The following CNTN4 variants were observed in gnomAD, a reference collection of about 807,000 sequenced individuals.
CNTN4 encodes contactin 4.
In CNTN4, 77 loss-of-function variants were observed where a neutral mutation model predicts 122.5. The ratio of observed to expected loss-of-function variants is 0.63; its 90% CI spans 0.52 to 0.76. CNTN4 has a LOEUF of 0.76. Among genes scored for constraint, CNTN4 ranks in the 30% least tolerant of loss-of-function variants. The pLI is 0.00. For synonymous variants in CNTN4, 512 were observed against 447.0 expected (o/e 1.15, Z -1.83); for missense variants, 1,256 against 1,259.1 (o/e 1.00, Z 0.04).
chr3:2,178,469 C>T (rs2036853863), intron 2 of CNTN4, among the ~76,000 whole-genome samples: 1 of 151,896 alleles, frequency 6.6e-6, no homozygotes, highest in Admixed American at 6.6e-5. Context: ...AAAATTGTAA[C>T]ATCAAACCAA....
chr3:2,739,925 T>A (rs1048098492), intron 5 of CNTN4, among the ~76,000 whole-genome samples: 4 of 152,250 alleles, frequency 2.6e-5, no homozygotes, highest in Non-Finnish European at 5.9e-5. Flanking sequence ...GTTACTTTCC[T>A]TCTAATATAG....
intron 2 of CNTN4, among the ~76,000 whole-genome samples, chr3:2,256,551 T>C (rs1288703451): frequency 1.3e-5 from 2 of 152,178 alleles, no homozygotes; most frequent in South Asian, 2.1e-4. Context: ...AGTAAAATAC[T>C]GGCAAACCGA....
At chr3:2,545,613 A>G (rs971603279) in intron 3 of CNTN4, among the ~76,000 whole-genome samples, 2 of 147,846 alleles carry the variant, frequency 1.4e-5, no homozygotes, top group African/African-American at 2.5e-5. Context: ...CTGTTATGTA[A>G]TGCCTTTTTT....
chr3:2,576,577 TTG>T (rs1179874322), intron 4 of CNTN4, among the ~76,000 whole-genome samples: 2 of 151,188 alleles, frequency 1.3e-5, no homozygotes, highest in Non-Finnish European at 2.9e-5. Flanking sequence ...AGATGGAGTC[TTG>T]CTCTGTCTTC....
intron 13 of CNTN4, among the ~76,000 whole-genome samples, chr3:2,964,969 A>C (rs1692153724): frequency 6.6e-6 from 1 of 152,178 alleles, no homozygotes; most frequent in Non-Finnish European, 1.5e-5. Context: ...TTGAAGATAC[A>C]GCAGTGAATG....
chr3:2,779,570 T>G (rs1263135839), intron 6 of CNTN4, among the ~76,000 whole-genome samples: 2 of 152,218 alleles, frequency 1.3e-5, no homozygotes, highest in African/African-American at 4.8e-5. Context: ...GAGTAGAAAC[T>G]TTGGAGTGAG....
chr3:2,879,281 C>T (rs2093880491), intron 8 of CNTN4, among the ~76,000 whole-genome samples: 2 of 152,140 alleles, frequency 1.3e-5, no homozygotes, highest in African/African-American at 4.8e-5. Flanking sequence ...GGATTGACAG[C>T]TACCACCAGA....
chr3:2,162,504 A>G (rs1206276865), intron 2 of CNTN4, among the ~76,000 whole-genome samples: 1 of 152,168 alleles, frequency 6.6e-6, no homozygotes, highest in East Asian at 1.9e-4. Context: ...ACAACTGGAA[A>G]ACCCATAAGG....
At chr3:2,835,863 T>G (rs9310863) in intron 7 of CNTN4, among the ~76,000 whole-genome samples, 53,174 of 151,812 alleles carry the variant, frequency 0.35, 10,275 homozygotes, top group African/African-American at 0.51. Context: ...CAAAGGAACA[T>G]AGCACAAACC....
chr3:2,331,228 A>C (rs1194774978), intron 2 of CNTN4, among the ~76,000 whole-genome samples: 1 of 152,160 alleles, frequency 6.6e-6, no homozygotes, highest in East Asian at 1.9e-4. Context: ...TATGGGCTTC[A>C]ATTTTTTTTG....
chr3:2,286,894 C>G (rs1250929796), intron 2 of CNTN4, among the ~76,000 whole-genome samples: 5 of 152,184 alleles, frequency 3.3e-5, no homozygotes, highest in Non-Finnish European at 7.3e-5. Context: ...TCATTATATA[C>G]AAATGCTAGA....
rs528100760 is a variant in CNTN4 at position 2,104,851 on chromosome 3, G to A, written c.-145+4212G>A. ...ATTCTCTAGGTATGGGGAAAAGAGA[G>A]CATGGATTTTGGTTATTTGCCAAAT... On this transcript the variant is annotated intron_variant, in intron 2 of 24. Transcript: ENST00000418658. Among the ~76,000 whole-genome samples the A allele has an allele frequency of 1.5e-4, 23 of 152,320 alleles. No homozygotes were observed. In the South Asian group the frequency reaches 4.8e-3, roughly 32 times the overall value.
At chr3:2,970,276 T>C (rs1176159006) in intron 13 of CNTN4, among the ~76,000 whole-genome samples, 1 of 151,954 alleles carries the variant, frequency 6.6e-6, no homozygotes, top group East Asian at 1.9e-4. Flanking sequence ...TTCATATTTT[T>C]TGTAGAAACA....
intron 4 of CNTN4, among the ~76,000 whole-genome samples, chr3:2,609,706 AGTGCTATG>A (rs2081401433): frequency 6.6e-6 from 1 of 152,222 alleles, no homozygotes; most frequent in Non-Finnish European, 1.5e-5. Context: ...TGAAAAGTTC[AGTGCTATG>A]AAACGTCTTT....
intron 3 of CNTN4, among the ~76,000 whole-genome samples, chr3:2,407,311 T>C (rs1465657556): frequency 1.3e-5 from 2 of 152,198 alleles, no homozygotes; most frequent in African/African-American, 4.8e-5. Context: ...AAATACCTTC[T>C]GAGAAACCCA....
chr3:2,183,864 T>A (rs1009596468), intron 2 of CNTN4, among the ~76,000 whole-genome samples: 1 of 152,314 alleles, frequency 6.6e-6, no homozygotes, highest in Middle Eastern at 3.4e-3. Flanking sequence ...TTCTCTCCTA[T>A]TAGAAGAAAC....
intron 5 of CNTN4, among the ~76,000 whole-genome samples, chr3:2,737,660 A>G (rs1317266324): frequency 1.3e-5 from 2 of 152,220 alleles, no homozygotes; most frequent in African/African-American, 4.8e-5. Context: ...AACAATAAAG[A>G]CAGTTTTCAT....
intron 2 of CNTN4, among the ~76,000 whole-genome samples, chr3:2,233,947 T>C (rs988757049): frequency 1.3e-5 from 2 of 151,966 alleles, no homozygotes; most frequent in South Asian, 2.1e-4. Context: ...ACCTGGAAAA[T>C]CTACTTTATG....
intron 3 of CNTN4, among the ~76,000 whole-genome samples, chr3:2,462,654 G>T (rs952710369): frequency 6.6e-6 from 1 of 152,094 alleles, no homozygotes; most frequent in Non-Finnish European, 1.5e-5. Context: ...ATAAAAAGAG[G>T]AATAAAAATA....
Sources: gnomAD v4.1 joint callset for allele counts (sites outside exome capture counted in the v4.1 genomes callset) on GRCh38, gnomAD v4.1.1 for gene constraint, MANE v1.5 for transcripts, NCBI Gene and HGNC (gene_info 2026-07-23, HGNC 2026-07-21) for gene names.